The following PCDHGB1 variants were observed in gnomAD, a reference collection of about 807,000 sequenced individuals.
The protein encoded by PCDHGB1 is protocadherin gamma subfamily B, 1.
Under a neutral mutation model 56.6 loss-of-function variants are expected in PCDHGB1, and 34 were observed. The observed-to-expected ratio is 0.60, with a 90% CI of 0.46 to 0.80. The LOEUF is 0.80. Among genes scored for constraint, PCDHGB1 ranks in the 30% least tolerant of loss-of-function variants. The pLI, the probability that PCDHGB1 is intolerant of heterozygous loss-of-function variation, is 0.00. For missense variants in PCDHGB1, 1,278 were observed against 1,204.6 expected, an observed-to-expected ratio of 1.06 and a Z score of -0.90; for synonymous variants, 561 against 505.9, an observed-to-expected ratio of 1.11 and a Z score of -1.46.
At chr5:141,452,119 TTCATATATGGC>T (rs1472213897) in intron 1 of PCDHGB1, among the ~76,000 whole-genome samples, 3 of 152,250 alleles carry the variant, frequency 2.0e-5, no homozygotes, top group African/African-American at 7.2e-5. Flanking sequence ...TTCTTATTTA[TTCATATATGGC>T]TCATGTGTTT....
At chr5:141,385,603 T>G (rs968822799) in intron 1 of PCDHGB1, 19 of 1,190,040 alleles carry the variant, frequency 1.6e-5, no homozygotes, top group Non-Finnish European at 2.0e-5. Flanking sequence ...CTTTCTTAAC[T>G]CATATATTTT....
chr5:141,352,758 G>A (rs979968894), intron 1 of PCDHGB1, 89 bp downstream of exon 1: 18 of 1,339,206 alleles, frequency 1.3e-5, no homozygotes, highest in Non-Finnish European at 1.8e-5. Flanking sequence ...ACCAGGCTGA[G>A]GCAGGTGGAT....
At chr5:141,443,952 A>T (rs1355073040) in intron 1 of PCDHGB1, among the ~76,000 whole-genome samples, 4 of 152,134 alleles carry the variant, frequency 2.6e-5, no homozygotes, top group Non-Finnish European at 4.4e-5. Context: ...CCTTATTGGT[A>T]TGTATTCTGT....
chr5:141,366,685 T>C (rs1764741162), intron 1 of PCDHGB1: 3 of 1,614,116 alleles, frequency 1.9e-6, no homozygotes, highest in African/African-American at 2.7e-5. Context: ...AAGAGAGCTG[T>C]GAGAAAAGCG....
rs141397385 is a variant in PCDHGB1 at position 141,476,135 on chromosome 5, A to C, written c.2410-18672A>C. 8.4e-4 allele frequency: 1,352 copies of C among 1,608,526 alleles called. 1 individual carries two copies. Among genetic ancestry groups the C allele is most frequent in the Non-Finnish European group, 1.1e-3 (1,319 of 1,178,332 alleles). On this transcript the variant is annotated intron_variant, in intron 1 of 3. Transcript: ENST00000523390. This position sits in a 1 kb window ranked among gnomAD's most constrained non-coding sequence, Gnocchi z 7.6. ...GAGTGAGATGGTCCCAGAGGCCTGG[A>C]GGAGCGGACTGGTAAGCACCGGGAG...
At chr5:141,403,276 C>T (rs1331205396) in intron 1 of PCDHGB1, 3 of 1,613,844 alleles carry the variant, frequency 1.9e-6, no homozygotes, top group Non-Finnish European at 2.5e-6. Context: ...ACTTTAAAGT[C>T]CTGGTTGAAG....
intron 1 of PCDHGB1, among the ~76,000 whole-genome samples, chr5:141,472,402 G>T (rs569497172): frequency 6.6e-6 from 1 of 152,042 alleles, no homozygotes; most frequent in Non-Finnish European, 1.5e-5. Context: ...TTAGCCAGGC[G>T]TGGTGGCACG....
At chr5:141,428,727 A>G (rs1348450181) in intron 1 of PCDHGB1, 1 of 160,588 alleles carries the variant, frequency 6.2e-6, no homozygotes, top group Non-Finnish European at 1.4e-5. Context: ...AAAATCTTAA[A>G]CATATTATAT....
chr5:141,402,770 G>A (rs1381501918), intron 1 of PCDHGB1, among the ~76,000 whole-genome samples: 1 of 152,154 alleles, frequency 6.6e-6, no homozygotes, highest in Non-Finnish European at 1.5e-5. Context: ...GACTCCATCC[G>A]GATTTCCAGT....
intron 1 of PCDHGB1, chr5:141,400,244 C>T (rs765839538): frequency 1.9e-6 from 3 of 1,613,928 alleles, no homozygotes; most frequent in East Asian, 4.5e-5. Flanking sequence ...GTGATTCTGG[C>T]CGTTGCCTTG....
At chr5:141,355,860 G>C (rs1289299237) in intron 1 of PCDHGB1, 3 of 1,612,220 alleles carry the variant, frequency 1.9e-6, no homozygotes, top group Non-Finnish European at 2.5e-6. Context: ...GAGGTGACCC[G>C]GTTCGCTCTG....
chr5:141,439,773 C>G (rs1323463060), intron 1 of PCDHGB1: 2 of 152,344 alleles, frequency 1.3e-5, no homozygotes, highest in East Asian at 3.9e-4. Flanking sequence ...TCCTTCTTGG[C>G]TGGAGATTCT....
At chr5:141,366,209 C>A (rs371864119) in intron 1 of PCDHGB1, 11 of 1,613,698 alleles carry the variant, frequency 6.8e-6, no homozygotes, top group African/African-American at 1.3e-5. Flanking sequence ...GGGCGAGGTG[C>A]GCACAGCGCG....
chr5:141,384,770 G>A, intron 1 of PCDHGB1: 3 of 1,613,906 alleles, frequency 1.9e-6, no homozygotes, highest in Non-Finnish European at 2.5e-6. Flanking sequence ...CTGTACACGG[G>A]CGAGGTGCGC....
intron 1 of PCDHGB1, chr5:141,356,564 C>T (rs746002239): frequency 2.5e-6 from 4 of 1,614,146 alleles, no homozygotes; most frequent in Non-Finnish European, 3.4e-6. Context: ...TTCCCTCATG[C>T]TTCCTACTCT....
intron 1 of PCDHGB1, chr5:141,393,813 C>G (rs376904307): frequency 1.2e-6 from 2 of 1,613,814 alleles, no homozygotes; most frequent in Non-Finnish European, 8.5e-7. Flanking sequence ...GACCAAATTG[C>G]TCATTTCGGT....
intron 1 of PCDHGB1, chr5:141,383,629 C>G: frequency 6.2e-7 from 1 of 1,613,960 alleles, no homozygotes; most frequent in Non-Finnish European, 8.5e-7. Context: ...TGTCTTCTCT[C>G]TGCCTCAGTA....
chr5:141,500,835 A>G (rs965204931), intron 2 of PCDHGB1, among the ~76,000 whole-genome samples: 13 of 152,118 alleles, frequency 8.5e-5, no homozygotes, highest in African/African-American at 3.1e-4. Context: ...TCTAATGCTA[A>G]TGGGCTTTTG....
At position 141,413,510 on chromosome 5, in the gene PCDHGB1, T is replaced by G. The variant is rs372002880; in HGVS notation, c.2409+60841T>G. On this transcript the variant is annotated intron_variant, in intron 1 of 3. Transcript: ENST00000523390. ...GCGCGGTGCGTGGTGAGTTTTAATA[T>G]CCTTGTGGAAGACAGGGTGAAACTT... The G allele has an allele frequency of 5.4e-5, 87 of 1,613,876 alleles. No individual in the cohort carries two copies. Among genetic ancestry groups the G allele is most frequent in the Middle Eastern group, 1.6e-4 (1 of 6,084 alleles).
Sources: gnomAD v4.1 joint callset for allele counts (sites outside exome capture counted in the v4.1 genomes callset) on GRCh38, gnomAD v4.1.1 for gene constraint, Gnocchi (gnomAD v3.1) non-coding constraint, MANE v1.5 for transcripts, NCBI Gene and HGNC (gene_info 2026-07-23, HGNC 2026-07-21) for gene names.